The following IQGAP2 variants were observed in gnomAD, a reference collection of about 807,000 sequenced individuals.
IQGAP2 encodes IQ motif containing GTPase activating protein 2.
Under a neutral mutation model 201.3 loss-of-function variants are expected in IQGAP2, and 173 were observed. That is an observed-to-expected ratio of 0.86 (90% CI 0.76 to 0.98). The LOEUF is 0.98. Among genes scored for constraint, IQGAP2 ranks in the 50% least tolerant of loss-of-function variants. The pLI, the probability that IQGAP2 is intolerant of heterozygous loss-of-function variation, is 0.00. For synonymous variants in IQGAP2, 675 were observed against 673.9 expected (o/e 1.00, Z -0.03); for missense variants, 1,687 against 1,864.8 (o/e 0.90, Z 1.76).
chr5:76,609,849 G>C (rs1169892596), intron 12 of IQGAP2, among the ~76,000 whole-genome samples: 1 of 150,810 alleles, frequency 6.6e-6, no homozygotes, highest in African/African-American at 2.4e-5. Context: ...ATATGTGTGT[G>C]TGTGTGTGTG....
intron 5 of IQGAP2, among the ~76,000 whole-genome samples, chr5:76,587,201 T>G (rs1204161645): frequency 1.3e-5 from 2 of 152,114 alleles, no homozygotes; most frequent in Admixed American, 6.6e-5. Flanking sequence ...AAAAAGGGTG[T>G]TTTTTAACCC....
intron 1 of IQGAP2, among the ~76,000 whole-genome samples, chr5:76,412,676 T>G (rs1751187239): frequency 6.6e-6 from 1 of 152,194 alleles, no homozygotes; most frequent in Non-Finnish European, 1.5e-5. Flanking sequence ...ACTCAGTAAA[T>G]ATTTGCTGTT....
chr5:76,638,338 C>T (rs780994178), intron 16 of IQGAP2, among the ~76,000 whole-genome samples: 6 of 152,058 alleles, frequency 3.9e-5, no homozygotes, highest in Non-Finnish European at 8.8e-5. Flanking sequence ...AAGATCGCAC[C>T]ATTGCACTCC....
chr5:76,673,181 A>C (rs1308291260), intron 24 of IQGAP2, among the ~76,000 whole-genome samples: 1 of 152,224 alleles, frequency 6.6e-6, no homozygotes, highest in Non-Finnish European at 1.5e-5. Flanking sequence ...TATAATTAAA[A>C]GAAATTTAGC....
At chr5:76,691,180 C>G (rs1206453800) in intron 30 of IQGAP2, among the ~76,000 whole-genome samples, 2 of 152,144 alleles carry the variant, frequency 1.3e-5, no homozygotes, top group Non-Finnish European at 2.9e-5. Context: ...TTACTTATGT[C>G]TGAGGTAGAA....
In IQGAP2 at chr5:76,403,677, T is replaced by C; in HGVS notation, c.46+86T>C. The C allele has an allele frequency of 8.3e-7, 1 of 1,201,066 alleles. No homozygotes were observed. Among genetic ancestry groups the C allele is most frequent in the Non-Finnish European group, 1.1e-6 (1 of 899,278 alleles). The allele number at this position is 1,201,066 out of a possible 1,614,324, so 74.4% of individuals were successfully genotyped here. A position where few individuals can be genotyped will look rare whatever the true frequency, so the allele number is the denominator to read the frequency against. ...GCGTTGGAGAAGCCGAGGGAGCCGG[T>C]TGCGCGGCGCAGAGGAAATTGGAAG... On this transcript the variant is annotated intron_variant, in intron 1 of 35. Coordinates refer to ENST00000274364, the MANE Select transcript of IQGAP2 (RefSeq NM_006633.5). The surrounding 1 kb of genome is among the most constrained non-coding windows in gnomAD (Gnocchi z 4.8).
intron 17 of IQGAP2, among the ~76,000 whole-genome samples, chr5:76,643,635 T>G (rs2150408193): frequency 1.3e-5 from 2 of 152,310 alleles, no homozygotes; most frequent in Middle Eastern, 3.4e-3. Context: ...AGTAGGTAAC[T>G]ACAGGAGGAA....
intron 2 of IQGAP2, among the ~76,000 whole-genome samples, chr5:76,531,380 A>C (rs1759283535): frequency 6.6e-6 from 1 of 152,186 alleles, no homozygotes; most frequent in Admixed American, 6.5e-5. Context: ...AATCCACGTG[A>C]GTAGCTAGGA....
At position 76,461,442 on chromosome 5, in the gene IQGAP2, G is replaced by A. The variant is rs1196862147; in HGVS notation, c.47-128G>A. The A allele has an allele frequency of 5.5e-6, 3 of 545,520 alleles. No homozygotes were observed. In the African/African-American group the frequency reaches 5.8e-5, roughly 11 times the overall value. The allele number at this position is 545,520 out of a possible 1,614,324, so 33.8% of individuals were successfully genotyped here. On this transcript the variant is annotated intron_variant, in intron 1 of 35. Coordinates refer to ENST00000274364, the MANE Select transcript of IQGAP2 (RefSeq NM_006633.5). ...CAAAGGCAAATTTCTCTCTCTGCCT[G>A]GTGTTTCAATACTCCTGTCTCTGAA...
At chr5:76,596,629 G>A (rs1747051076) in intron 9 of IQGAP2, among the ~76,000 whole-genome samples, 1 of 152,148 alleles carries the variant, frequency 6.6e-6, no homozygotes, top group Non-Finnish European at 1.5e-5. Context: ...GGAAACTTAC[G>A]ATCATGGCAG....
intron 23 of IQGAP2, 40 bp from the exon 24 acceptor site, chr5:76,671,719 A>T (rs753711492): frequency 1.4e-6 from 2 of 1,385,572 alleles, no homozygotes; most frequent in Non-Finnish European, 2.0e-6. Flanking sequence ...ATCTGTATCC[A>T]TGGAAGCAAA....
At chr5:76,682,479 A>T (rs2150512602) in intron 28 of IQGAP2, among the ~76,000 whole-genome samples, 1 of 152,224 alleles carries the variant, frequency 6.6e-6, no homozygotes, top group South Asian at 2.1e-4. Flanking sequence ...AAAAAAAAAA[A>T]AAGTGTTGTC....
chr5:76,407,802 C>G (rs1242014492), intron 1 of IQGAP2, among the ~76,000 whole-genome samples: 1 of 152,166 alleles, frequency 6.6e-6, no homozygotes, highest in African/African-American at 2.4e-5. Context: ...CTATTGCCAT[C>G]TACCCTCTTA....
intron 12 of IQGAP2, chr5:76,606,807 T>C (rs1395394362): frequency 2.0e-5 from 3 of 152,244 alleles, no homozygotes; most frequent in South Asian, 2.1e-4. Flanking sequence ...CAGGAAGATA[T>C]GCCCTGAAAC....
At chr5:76,550,008 C>A (rs1743341466) in intron 2 of IQGAP2, among the ~76,000 whole-genome samples, 2 of 152,174 alleles carry the variant, frequency 1.3e-5, no homozygotes, top group African/African-American at 2.4e-5. Context: ...TAAGCCTTAA[C>A]CCATTCTAGC....
chr5:76,456,049 A>C (rs969299131), intron 1 of IQGAP2, among the ~76,000 whole-genome samples: 1 of 152,190 alleles, frequency 6.6e-6, no homozygotes, highest in Non-Finnish European at 1.5e-5. Flanking sequence ...TGAGAGCAGC[A>C]AACTTCGTAG....
intron 33 of IQGAP2, among the ~76,000 whole-genome samples, chr5:76,698,935 ATAAT>A (rs776282974): frequency 1.3e-5 from 2 of 152,208 alleles, no homozygotes; most frequent in Admixed American, 1.3e-4. Flanking sequence ...ACAATGTGAA[ATAAT>A]TAATTCATAT....
At chr5:76,639,901 A>C (rs1362027643) in intron 16 of IQGAP2, among the ~76,000 whole-genome samples, 1 of 152,246 alleles carries the variant, frequency 6.6e-6, no homozygotes, top group African/African-American at 2.4e-5. Context: ...AAATGAAATT[A>C]TAGACATACT....
At chr5:76,693,807 C>A in intron 31 of IQGAP2, 2 of 162,302 alleles carry the variant, frequency 1.2e-5, no homozygotes, top group Non-Finnish European at 2.7e-5. Flanking sequence ...TATTTACTAA[C>A]TTGAAACAAA....
Sources: allele counts gnomAD v4.1 joint callset (sites outside exome capture counted in the v4.1 genomes callset), GRCh38; gene constraint gnomAD v4.1.1; non-coding constraint Gnocchi (gnomAD v3.1); transcripts MANE v1.5; gene names NCBI Gene and HGNC (gene_info 2026-07-23, HGNC 2026-07-21).